The following PCDH15 variants were observed in gnomAD, a reference collection of about 807,000 sequenced individuals.
The protein encoded by PCDH15 is protocadherin-15.
In PCDH15, 129 loss-of-function variants were observed where a neutral mutation model predicts 178.5. The observed-to-expected ratio is 0.72, with a 90% CI of 0.63 to 0.84. The LOEUF (loss-of-function observed/expected upper bound fraction) is 0.84, where lower values mean the gene tolerates loss of function less well. Ranked by LOEUF, PCDH15 falls within the 40% of genes least tolerant of loss-of-function variation. The pLI is 0.00. For synonymous variants in PCDH15, 800 were observed against 732.0 expected (o/e 1.09, Z -1.50); for missense variants, 2,230 against 2,099.9 (o/e 1.06, Z -1.21).
intron 26 of PCDH15, among the ~76,000 whole-genome samples, chr10:53,884,951 G>A (rs114488452): frequency 1.1e-3 from 170 of 152,188 alleles, no homozygotes; most frequent in African/African-American, 3.5e-3. Flanking sequence ...CTCAGGAGGT[G>A]GCAGAAAAGA....
intron 2 of PCDH15, among the ~76,000 whole-genome samples, chr10:54,624,748 G>C (rs2093491960): frequency 6.6e-6 from 1 of 152,162 alleles, no homozygotes; most frequent in Admixed American, 6.5e-5. Context: ...ATAAGCCACA[G>C]TATTAGATTC....
intron 2 of PCDH15, among the ~76,000 whole-genome samples, chr10:55,000,013 C>T (rs572118085): frequency 3.9e-5 from 6 of 152,108 alleles, no homozygotes; most frequent in Admixed American, 1.3e-4. Flanking sequence ...GGAGGCAGGG[C>T]GAGATCACAG....
intron 37 of PCDH15, chr10:53,809,095 CCTT>C: frequency 1.2e-6 from 2 of 1,613,870 alleles, no homozygotes; most frequent in Non-Finnish European, 1.7e-6. Flanking sequence ...TGCTTTTTCT[CCTT>C]CTGACTCTGT....
Position 54,083,530 on chromosome 10 carries a change from T to C in PCDH15, c.1998-4106A>G, listed in dbSNP as rs181579486. On this transcript the variant is annotated intron_variant, in intron 16 of 37. Coordinates refer to ENST00000644397, the MANE Select transcript of PCDH15 (RefSeq NM_001384140.1). ...CTACAAAAAAGAAGCTAGACACAAA[T>C]AGTCACACATTGCATGATTCCATTT... Among the ~76,000 whole-genome samples, 14 of 152,262 alleles carry C rather than the reference T, an allele frequency of 9.2e-5. No individual in the cohort carries two copies. The East Asian group carries it at 2.3e-3, about 25-fold the overall frequency.
At chr10:54,150,003 G>A (rs575468613) in intron 14 of PCDH15, among the ~76,000 whole-genome samples, 31 of 152,150 alleles carry the variant, frequency 2.0e-4, no homozygotes, top group African/African-American at 7.0e-4. Context: ...GATGGGAGAC[G>A]CCTTAAACCT....
intron 3 of PCDH15, among the ~76,000 whole-genome samples, chr10:54,420,164 T>G (rs370285582): frequency 6.6e-6 from 1 of 152,090 alleles, no homozygotes; most frequent in African/African-American, 2.4e-5. Context: ...GAAATGAAGA[T>G]GTATGGTATT....
intron 3 of PCDH15, among the ~76,000 whole-genome samples, chr10:54,429,754 A>G (rs1024331826): frequency 1.3e-5 from 2 of 152,186 alleles, no homozygotes; most frequent in Non-Finnish European, 2.9e-5. Flanking sequence ...TAATTATATA[A>G]TGATAAAAGA....
chr10:55,126,294 T>C (rs1364582821), intron 2 of PCDH15, among the ~76,000 whole-genome samples: 1 of 152,140 alleles, frequency 6.6e-6, no homozygotes, highest in East Asian at 1.9e-4. Flanking sequence ...TAGGTGGGGA[T>C]GATGAATAAC....
chr10:55,562,191 T>C (rs1842213381), intron 2 of PCDH15, among the ~76,000 whole-genome samples: 1 of 151,984 alleles, frequency 6.6e-6, no homozygotes, highest in Non-Finnish European at 1.5e-5. Context: ...AACAAAGCAC[T>C]GAAGAACACA....
intron 1 of PCDH15, among the ~76,000 whole-genome samples, chr10:54,690,983 T>G (rs2095111064): frequency 6.6e-6 from 1 of 152,088 alleles, no homozygotes; most frequent in African/African-American, 2.4e-5. Flanking sequence ...AAATGATCCC[T>G]AAAAACTTCT....
At chr10:54,386,160 G>A (rs1166442009) in intron 3 of PCDH15, among the ~76,000 whole-genome samples, 2 of 149,322 alleles carry the variant, frequency 1.3e-5, no homozygotes, top group Non-Finnish European at 3.0e-5. Flanking sequence ...TTTAGGGCAG[G>A]GATGTCCAAT....
At chr10:55,387,961 T>C (rs987253079) in intron 2 of PCDH15, among the ~76,000 whole-genome samples, 1 of 152,034 alleles carries the variant, frequency 6.6e-6, no homozygotes, top group African/African-American at 2.4e-5. Flanking sequence ...CTACCTCACT[T>C]CACTTCTGGC....
intron 3 of PCDH15, among the ~76,000 whole-genome samples, chr10:54,444,697 C>T (rs945058515): frequency 6.6e-5 from 10 of 151,542 alleles, no homozygotes; most frequent in African/African-American, 2.2e-4. Flanking sequence ...TATAGTTTTT[C>T]CTGAAACATC....
chr10:54,009,673 A>G, intron 20 of PCDH15, among the ~76,000 whole-genome samples: 1 of 152,196 alleles, frequency 6.6e-6, no homozygotes, highest in African/African-American at 2.4e-5. Flanking sequence ...GAGCAAGACA[A>G]GACAACTGCC....
chr10:54,264,610 G>A (rs141215611), intron 8 of PCDH15, among the ~76,000 whole-genome samples: 1,643 of 152,174 alleles, frequency 0.011, 28 homozygotes, highest in African/African-American at 0.034. Flanking sequence ...AATAAATTTC[G>A]AAATACGGTT....
intron 2 of PCDH15, among the ~76,000 whole-genome samples, chr10:55,577,852 A>T (rs1190692557): frequency 6.6e-6 from 1 of 152,196 alleles, no homozygotes; most frequent in Non-Finnish European, 1.5e-5. Context: ...GAATCTTTTC[A>T]CAGTAGTAAA....
At chr10:54,540,179 T>C (rs1438865500) in intron 2 of PCDH15, among the ~76,000 whole-genome samples, 1 of 152,002 alleles carries the variant, frequency 6.6e-6, no homozygotes, top group Admixed American at 6.6e-5. Context: ...AATTGAGGCA[T>C]AAAAATCCAT....
intron 15 of PCDH15, among the ~76,000 whole-genome samples, chr10:54,114,911 G>A (rs1236549531): frequency 6.6e-6 from 1 of 152,146 alleles, no homozygotes; most frequent in Non-Finnish European, 1.5e-5. Flanking sequence ...TACAACATTT[G>A]TTTTTATCTT....
At chr10:54,161,754 T>G (rs11004108) in intron 13 of PCDH15, among the ~76,000 whole-genome samples, 2 of 151,868 alleles carry the variant, frequency 1.3e-5, no homozygotes, top group Admixed American at 1.3e-4. Flanking sequence ...ATCCATGGAT[T>G]ATGATTCCAG....
Sources: gnomAD v4.1 joint callset for allele counts (sites outside exome capture counted in the v4.1 genomes callset) on GRCh38, gnomAD v4.1.1 for gene constraint, MANE v1.5 for transcripts, NCBI Gene and HGNC (gene_info 2026-07-23, HGNC 2026-07-21) for gene names.